Variants in NCOA6 observed in about 807,000 individuals in gnomAD.
NCOA6 encodes the protein nuclear receptor coactivator 6.
A neutral mutation model predicts 171.4 loss-of-function variants in NCOA6; 49 were observed. That is an observed-to-expected ratio of 0.29 (90% CI 0.23 to 0.36). NCOA6 has a LOEUF of 0.36. Among genes scored for constraint, NCOA6 ranks in the 10% least tolerant of loss-of-function variants. NCOA6 has a pLI of 1.00. For missense variants in NCOA6, 2,248 were observed against 2,554.5 expected (o/e 0.88, Z 2.59); for synonymous variants, 910 against 927.5 (o/e 0.98, Z 0.34).
Position 34,768,468 on chromosome 20 carries a change from A to G in NCOA6, c.510T>C (p.Gly170=), listed in dbSNP as rs879814286. ...RMEAGFPMAS[G]PGIIRMNNPA... is the part of the protein sequence containing the mutation. ...CAATTGAGTGGGAGGTCTTACCTGG[A>G]CCACTTGCCATAGGAAATCCCGCCT... Residue 170 remains glycine (G), a synonymous_variant, in exon 5 of 15, where the codon GGT becomes GGC. Coordinates refer to ENST00000359003, the MANE Select transcript of NCOA6 (RefSeq NM_014071.5). The G allele has an allele frequency of 1.2e-6, 2 of 1,614,128 alleles. No homozygotes were observed. The highest frequency in any genetic ancestry group is 1.3e-5 in the African/African-American group (1 of 75,042).
intron 8 of NCOA6, 52 bp downstream of exon 8, chr20:34,754,670 C>A: frequency 6.2e-7 from 1 of 1,608,992 alleles, no homozygotes; most frequent in Non-Finnish European, 8.5e-7. Flanking sequence ...TCTATCAAGT[C>A]TACGACACAA....
intron 1 of NCOA6, among the ~76,000 whole-genome samples, chr20:34,815,986 C>G (rs1045844711): frequency 6.6e-6 from 1 of 152,200 alleles, no homozygotes; most frequent in Admixed American, 6.5e-5. Context: ...ACACTGGTCA[C>G]TCAGCAACAT....
chr20:34,737,700 A>G (rs1376237234), intron 11 of NCOA6, among the ~76,000 whole-genome samples: 6 of 152,194 alleles, frequency 3.9e-5, no homozygotes, highest in Non-Finnish European at 7.3e-5. Flanking sequence ...TTGACATCTC[A>G]GTCTAAAATC....
At position 34,740,220 on chromosome 20, in the gene NCOA6, C is replaced by A. The variant is rs6119516; in HGVS notation, c.5893+143G>T. The A allele has an allele frequency of 3.5e-4, 408 of 1,157,186 alleles. 4 individuals carry two copies. The African/African-American group carries it at 5.4e-3, about 15-fold the overall frequency. The allele number at this position is 1,157,186 out of a possible 1,614,324, so 71.7% of individuals were successfully genotyped here. On this transcript the variant is annotated intron_variant, in intron 11 of 14. Transcript: ENST00000359003. ...TGGGATTTAAAAGCATATTTTCCAACGTACTTTCAATAAATAAAACTACTG... is the reference window on the plus strand; with the variant it reads ...TGGGATTTAAAAGCATATTTTCCAAAGTACTTTCAATAAATAAAACTACTG...
At chr20:34,729,444 T>C (rs1480132758) in intron 13 of NCOA6, among the ~76,000 whole-genome samples, 1 of 152,200 alleles carries the variant, frequency 6.6e-6, no homozygotes, top group East Asian at 1.9e-4. Flanking sequence ...TACACTTTCA[T>C]GGTTCAAAAA....
chr20:34,802,654 C>CAT (rs2078294948), intron 1 of NCOA6, among the ~76,000 whole-genome samples: 1 of 152,006 alleles, frequency 6.6e-6, no homozygotes, highest in Non-Finnish European at 1.5e-5. Flanking sequence ...ATACTATGAT[C>CAT]ATATATTGGT....
intron 5 of NCOA6, among the ~76,000 whole-genome samples, chr20:34,766,901 G>A (rs1362069931): frequency 1.3e-5 from 2 of 152,060 alleles, no homozygotes; most frequent in Non-Finnish European, 2.9e-5. Flanking sequence ...TTCCAGTAGT[G>A]GCAACAGTGT....
intron 1 of NCOA6, among the ~76,000 whole-genome samples, chr20:34,794,757 A>G (rs927558391): frequency 5.3e-5 from 8 of 152,170 alleles, no homozygotes; most frequent in Non-Finnish European, 7.4e-5. Flanking sequence ...AGAGGGAAGG[A>G]AGCACTCACA....
intron 12 of NCOA6, among the ~76,000 whole-genome samples, chr20:34,735,739 A>T (rs141750146): frequency 9.5e-4 from 145 of 152,342 alleles, no homozygotes; most frequent in African/African-American, 3.3e-3. Flanking sequence ...TTTTATTCAG[A>T]GTGTGCAGTA....
At chr20:34,821,428 T>C (rs1202033634) in intron 1 of NCOA6, 4 of 152,104 alleles carry the variant, frequency 2.6e-5, no homozygotes, top group African/African-American at 9.7e-5. Flanking sequence ...ACTTCCCATG[T>C]TTTCCCCTGT....
At chr20:34,778,453 G>A (rs1448042699) in intron 3 of NCOA6, among the ~76,000 whole-genome samples, 1 of 150,806 alleles carries the variant, frequency 6.6e-6, no homozygotes, top group East Asian at 2.0e-4. Flanking sequence ...TTTTGAGACG[G>A]AGTCTCAATC....
In NCOA6 at chr20:34,758,937, GA is replaced by G; in HGVS notation, c.515-5del. The G allele has an allele frequency of 6.2e-7, 1 of 1,611,124 alleles. No homozygotes were observed. Among genetic ancestry groups the G allele is most frequent in the South Asian group, 1.1e-5 (1 of 90,710 alleles). Reference sequence around the variant, plus strand: ...GGGTTGTTCATCCTTATTATTCCTAGAAAAAAGATCCCTAAAATAGAGTACT... The same window carrying G: ...GGGTTGTTCATCCTTATTATTCCTAGAAAAAGATCCCTAAAATAGAGTACT... On this transcript the variant is annotated splice_polypyrimidine_tract_variant and splice_region_variant and intron_variant, in intron 5 of 14. Transcript: ENST00000359003.
At chr20:34,768,730 T>C (rs915591260) in intron 4 of NCOA6, 144 bp from the exon 5 acceptor site, 28 of 859,034 alleles carry the variant, frequency 3.3e-5, no homozygotes, top group Middle Eastern at 2.7e-4. Context: ...GGGTTCAATG[T>C]AGATGGGTCT....
intron 8 of NCOA6, among the ~76,000 whole-genome samples, chr20:34,750,744 A>T (rs1168064501): frequency 6.6e-6 from 1 of 152,214 alleles, no homozygotes; most frequent in Non-Finnish European, 1.5e-5. Flanking sequence ...AAGGAGAAAC[A>T]GTTTCTACAT....
intron 2 of NCOA6, among the ~76,000 whole-genome samples, chr20:34,790,837 G>A (rs1389565957): frequency 6.6e-6 from 1 of 151,256 alleles, no homozygotes; most frequent in East Asian, 1.9e-4. Flanking sequence ...TTTTAGGAGA[G>A]ATGAGGTTTC....
At chr20:34,767,515 C>T (rs1277358194) in intron 5 of NCOA6, among the ~76,000 whole-genome samples, 2 of 152,046 alleles carry the variant, frequency 1.3e-5, no homozygotes, top group African/African-American at 2.4e-5. Context: ...AGGCTGGTCT[C>T]GAACCCCTGA....
intron 8 of NCOA6, among the ~76,000 whole-genome samples, chr20:34,751,848 T>A (rs1425629535): frequency 6.6e-6 from 1 of 152,188 alleles, no homozygotes; most frequent in Non-Finnish European, 1.5e-5. Flanking sequence ...AATAACTTTG[T>A]AGTTAATTTT....
intron 5 of NCOA6, 26 bp from the exon 6 acceptor site, chr20:34,758,959 G>A: frequency 6.2e-7 from 1 of 1,606,728 alleles, no homozygotes; most frequent in Non-Finnish European, 8.5e-7. Context: ...CTAAAATAGA[G>A]TACTGGAATT....
At chr20:34,723,657 C>T (rs1011003323) in intron 14 of NCOA6, among the ~76,000 whole-genome samples, 2 of 152,180 alleles carry the variant, frequency 1.3e-5, no homozygotes, top group African/African-American at 2.4e-5. Flanking sequence ...ACCACTGCCA[C>T]GGTGGGACAA....
Sources: gnomAD v4.1 joint callset for allele counts (sites outside exome capture counted in the v4.1 genomes callset) on GRCh38, gnomAD v4.1.1 for gene constraint, MANE v1.5 for transcripts, NCBI Gene and HGNC (gene_info 2026-07-23, HGNC 2026-07-21) for gene names.